Variants in SCFD2 observed in about 807,000 individuals in gnomAD.
SCFD2 encodes the protein sec1 family domain containing 2.
In SCFD2, 54 loss-of-function variants were observed where a neutral mutation model predicts 58.9. That is an observed-to-expected ratio of 0.92 (90% CI 0.74 to 1.15). SCFD2 has a LOEUF of 1.15. SCFD2 is among the 50% of genes most tolerant of loss of function. SCFD2 has a pLI of 0.00. For synonymous variants in SCFD2, 321 were observed against 335.9 expected (o/e 0.96, Z 0.49); for missense variants, 805 against 836.6 (o/e 0.96, Z 0.47).
At chr4:53,236,544 T>C (rs184961242) in intron 4 of SCFD2, among the ~76,000 whole-genome samples, 525 of 150,372 alleles carry the variant, frequency 3.5e-3, no homozygotes, top group Admixed American at 7.1e-3. Flanking sequence ...TTGTTTTAAA[T>C]GGTGCTTCTT....
At position 53,331,299 on chromosome 4, in the gene SCFD2, T is replaced by G. The variant is rs1353971697; in HGVS notation, c.1008-17536A>C. ...CCAAATCAACAGAATATACATTTTT[T>G]TCAGCACCACACCACACCTATTCCA... is the stretch of plus-strand genomic sequence containing the variant. On this transcript the variant is annotated intron_variant, in intron 2 of 8. Transcript: ENST00000401642. Among the ~76,000 whole-genome samples, 592 of 151,398 alleles carry G rather than the reference T, an allele frequency of 3.9e-3. 3 individuals carry two copies. The highest frequency in any genetic ancestry group is 0.014 in the African/African-American group (561 of 41,198).
In SCFD2 at chr4:52,964,705, C is replaced by T. The variant is rs140006594; in HGVS notation, c.1562-43835G>A. The stretch of plus-strand genomic sequence containing the variant: ...AATGTGAGGGACACACACACACACA[C>T]ACACACATACACAAGGACTCAGAAG... On this transcript the variant is annotated intron_variant, in intron 5 of 8. Coordinates refer to ENST00000401642, the MANE Select transcript of SCFD2 (RefSeq NM_152540.4). Among the ~76,000 whole-genome samples, 380 of 152,144 alleles carry T rather than the reference C, an allele frequency of 2.5e-3. 2 individuals are homozygous for T. Among genetic ancestry groups the T allele is most frequent in the African/African-American group, 9.0e-3 (372 of 41,500 alleles).
Position 52,873,311 on chromosome 4 carries a change from C to T in SCFD2, c.*658G>A, listed in dbSNP as rs1434763773. 2 of 152,202 alleles carry T rather than the reference C, an allele frequency of 1.3e-5. No homozygotes were observed. Among genetic ancestry groups the T allele is most frequent in the Non-Finnish European group, 2.9e-5 (2 of 68,050 alleles). The allele number at this position is 152,202 out of a possible 1,614,324, so 9.4% of individuals were successfully genotyped here. ...ATACAGATAACCCTCCAATCAACCACCTTCCCACTACAGTTCCAAGTAGCC... is the reference window on the plus strand; with the variant it reads ...ATACAGATAACCCTCCAATCAACCATCTTCCCACTACAGTTCCAAGTAGCC... On this transcript the variant is annotated 3_prime_UTR_variant, in exon 9 of 9. Coordinates refer to ENST00000401642, the MANE Select transcript of SCFD2 (RefSeq NM_152540.4).
At chr4:52,978,726 T>C (rs545213744) in intron 5 of SCFD2, among the ~76,000 whole-genome samples, 2 of 152,050 alleles carry the variant, frequency 1.3e-5, no homozygotes, top group African/African-American at 2.4e-5. Flanking sequence ...ACCTGTGACA[T>C]TGATCTTAGG....
chr4:53,276,324 G>C (rs1189311745), intron 3 of SCFD2, among the ~76,000 whole-genome samples: 3 of 151,884 alleles, frequency 2.0e-5, no homozygotes, highest in African/African-American at 7.3e-5. Flanking sequence ...TTAAAAAGTG[G>C]AAAATAAAAG....
chr4:53,259,098 C>A (rs1423621433), intron 4 of SCFD2, among the ~76,000 whole-genome samples: 1 of 152,100 alleles, frequency 6.6e-6, no homozygotes, highest in Non-Finnish European at 1.5e-5. Context: ...TGTTTGAATT[C>A]TGTGTAGATT....
At chr4:53,073,084 CT>C (rs142107443) in intron 5 of SCFD2, among the ~76,000 whole-genome samples, 2,555 of 152,138 alleles carry the variant, frequency 0.017, 75 homozygotes, top group African/African-American at 0.059. Flanking sequence ...CATGTACATA[CT>C]TTTTTTCCTT....
chr4:53,177,368 A>G (rs1427128281), intron 4 of SCFD2, among the ~76,000 whole-genome samples: 2 of 152,238 alleles, frequency 1.3e-5, no homozygotes, highest in African/African-American at 4.8e-5. Context: ...AGTAAAGACC[A>G]TGCAGAATCT....
chr4:53,009,077 G>A (rs1722041113), intron 5 of SCFD2, among the ~76,000 whole-genome samples: 1 of 152,116 alleles, frequency 6.6e-6, no homozygotes, highest in Non-Finnish European at 1.5e-5. Context: ...TACCTTTGAC[G>A]AACTTGCCAT....
intron 5 of SCFD2, among the ~76,000 whole-genome samples, chr4:53,004,710 G>A (rs1263665560): frequency 6.6e-6 from 1 of 152,102 alleles, no homozygotes; most frequent in Admixed American, 6.6e-5. Flanking sequence ...TTGCAAATAC[G>A]GTCGGAGGCA....
intron 4 of SCFD2, among the ~76,000 whole-genome samples, chr4:53,159,293 GA>G (rs1376364055): frequency 6.6e-6 from 1 of 152,198 alleles, no homozygotes; most frequent in Admixed American, 6.5e-5. Context: ...AACTGAGTTT[GA>G]AAAAGATTAC....
chr4:53,007,204 G>A (rs567772138), intron 5 of SCFD2, among the ~76,000 whole-genome samples: 23 of 151,184 alleles, frequency 1.5e-4, no homozygotes, highest in Non-Finnish European at 3.1e-4. Flanking sequence ...GCTTGAGCCC[G>A]GGAGTTTAAG....
chr4:53,200,509 A>C (rs1728196073), intron 4 of SCFD2, among the ~76,000 whole-genome samples: 1 of 152,134 alleles, frequency 6.6e-6, no homozygotes, highest in South Asian at 2.1e-4. Context: ...AAATATAAGC[A>C]CTGTCTCTAC....
chr4:52,912,965 C>T (rs993106293), intron 6 of SCFD2, among the ~76,000 whole-genome samples: 11 of 152,164 alleles, frequency 7.2e-5, no homozygotes, highest in Admixed American at 5.9e-4. Flanking sequence ...TAGTTTGTCT[C>T]CATATTAAGA....
At chr4:53,255,176 T>C (rs527453745) in intron 4 of SCFD2, among the ~76,000 whole-genome samples, 21 of 151,018 alleles carry the variant, frequency 1.4e-4, no homozygotes, top group African/African-American at 4.4e-4. Context: ...CAGCAAATAC[T>C]TCCTATTCTT....
At chr4:52,927,344 T>A (rs1039638649) in intron 5 of SCFD2, among the ~76,000 whole-genome samples, 3 of 152,202 alleles carry the variant, frequency 2.0e-5, no homozygotes, top group African/African-American at 7.2e-5. Context: ...TTAGAGTTCT[T>A]TTTTAAAAAA....
At chr4:53,181,583 T>G (rs903295655) in intron 4 of SCFD2, among the ~76,000 whole-genome samples, 15 of 152,234 alleles carry the variant, frequency 9.9e-5, no homozygotes, top group Admixed American at 5.2e-4. Context: ...GCATTCCCTT[T>G]GAAAACGGGT....
At chr4:53,250,377 C>T (rs1227254529) in intron 4 of SCFD2, among the ~76,000 whole-genome samples, 1 of 152,132 alleles carries the variant, frequency 6.6e-6, no homozygotes, top group African/African-American at 2.4e-5. Flanking sequence ...CCACTGTCAA[C>T]ATTAGACAGA....
At chr4:53,234,174 C>CA (rs369273915) in intron 4 of SCFD2, among the ~76,000 whole-genome samples, 5 of 150,774 alleles carry the variant, frequency 3.3e-5, no homozygotes, top group East Asian at 1.9e-4. Flanking sequence ...TATGCACATC[C>CA]AAAAAAAAAT....
Sources: gnomAD v4.1 joint callset for allele counts (sites outside exome capture counted in the v4.1 genomes callset) on GRCh38, gnomAD v4.1.1 for gene constraint, MANE v1.5 for transcripts, NCBI Gene and HGNC (gene_info 2026-07-23, HGNC 2026-07-21) for gene names.